RBFOX1: variants seen among roughly 807,000 people sequenced by gnomAD.
The protein encoded by RBFOX1 is RNA binding fox-1 homolog 1.
RBFOX1 carries 8 observed loss-of-function variants against 57.7 expected under a neutral mutation model. The observed-to-expected ratio is 0.14, with a 90% CI of 0.08 to 0.25. The LOEUF is 0.25. RBFOX1 is among the 10% of genes least tolerant of loss of function. The probability of loss-of-function intolerance (pLI) is 1.00; values close to 1 mark genes in which losing one functional copy is unlikely to be tolerated. For missense variants in RBFOX1, 611 were observed against 548.5 expected, an observed-to-expected ratio of 1.11 and a Z score of -1.14; for synonymous variants, 326 against 222.4, an observed-to-expected ratio of 1.47 and a Z score of -4.15.
chr16:7,410,535 G>C (rs926130476), intron 4 of RBFOX1, among the ~76,000 whole-genome samples: 4 of 152,144 alleles, frequency 2.6e-5, no homozygotes, highest in Non-Finnish European at 4.4e-5. Flanking sequence ...TACAAAATTA[G>C]CTGGGAGTGG....
chr16:7,552,336 G>C (rs2086812552), intron 5 of RBFOX1, among the ~76,000 whole-genome samples: 1 of 152,094 alleles, frequency 6.6e-6, no homozygotes, highest in South Asian at 2.1e-4. Context: ...TTCTTTTATA[G>C]TGAGAGGCGA....
intron 2 of RBFOX1, among the ~76,000 whole-genome samples, chr16:6,648,940 C>T (rs890522781): frequency 6.6e-6 from 1 of 152,182 alleles, no homozygotes; most frequent in African/African-American, 2.4e-5. Context: ...TACATTACCT[C>T]ACAACGTCAT....
chr16:6,720,544 C>T lies in RBFOX1; in HGVS notation c.-16+65894C>T, dbSNP rs1022184696. ...AGGGTGTTACAGGCAGCAGGAACAG[C>T]AAAGGCAGAGGCCCTGAGCTGGAAG... On this transcript the variant is annotated intron_variant, in intron 3 of 15. Coordinates refer to ENST00000550418, the MANE Select transcript of RBFOX1 (RefSeq NM_018723.4). Among the ~76,000 whole-genome samples, 2 of 152,178 alleles carry T rather than the reference C, an allele frequency of 1.3e-5. 1 individual carries two copies. Among genetic ancestry groups the T allele is most frequent in the South Asian group, 4.1e-4 (2 of 4,822 alleles).
At chr16:5,823,066 C>T (rs1414310629) in intron 3 of RBFOX1, among the ~76,000 whole-genome samples, 3 of 152,194 alleles carry the variant, frequency 2.0e-5, no homozygotes, top group Non-Finnish European at 4.4e-5. Flanking sequence ...TTGGGAGCCA[C>T]TGCTGTACCC....
At chr16:5,599,206 C>G in exon 3 of RBFOX1, 1 of 701,058 alleles carries the variant, frequency 1.4e-6, no homozygotes, top group African/African-American at 1.7e-5. Flanking sequence ...CTAAAAAAGA[C>G]CAGGCCCACT....
intron 3 of RBFOX1, among the ~76,000 whole-genome samples, chr16:5,839,359 ACT>A (rs1349427813): frequency 1.3e-5 from 2 of 152,110 alleles, no homozygotes; most frequent in African/African-American, 2.4e-5. Flanking sequence ...TTTGGGACCC[ACT>A]TTTTGCCAAA....
intron 3 of RBFOX1, among the ~76,000 whole-genome samples, chr16:5,819,831 C>T (rs142199166): frequency 6.6e-6 from 1 of 152,148 alleles, no homozygotes; most frequent in Non-Finnish European, 1.5e-5. Context: ...CCCTGGAGCC[C>T]CAGAAATGAT....
At chr16:6,649,507 C>T (rs2154081878) in intron 2 of RBFOX1, among the ~76,000 whole-genome samples, 1 of 152,274 alleles carries the variant, frequency 6.6e-6, no homozygotes, top group African/African-American at 2.4e-5. Context: ...TCTTTTATCC[C>T]TCACCACTCC....
chr16:6,885,854 G>C (rs1350555038), intron 3 of RBFOX1, among the ~76,000 whole-genome samples: 1 of 152,054 alleles, frequency 6.6e-6, no homozygotes, highest in East Asian at 1.9e-4. Context: ...TTTTATTTTA[G>C]AGAAATTCTA....
chr16:6,077,895 C>T (rs1164018691), intron 1 of RBFOX1, among the ~76,000 whole-genome samples: 2 of 151,960 alleles, frequency 1.3e-5, no homozygotes, highest in African/African-American at 4.8e-5. Flanking sequence ...TAGGAACATC[C>T]AAGGAGTAGA....
chr16:6,184,691 C>G (rs1301583630), intron 1 of RBFOX1, among the ~76,000 whole-genome samples: 1 of 151,736 alleles, frequency 6.6e-6, no homozygotes, highest in Non-Finnish European at 1.5e-5. Flanking sequence ...TCTCGAGTAG[C>G]TGGGATTACA....
chr16:5,620,344 C>A (rs1596481094), intron 3 of RBFOX1, among the ~76,000 whole-genome samples: 1 of 152,284 alleles, frequency 6.6e-6, no homozygotes, highest in African/African-American at 2.4e-5. Context: ...AGAGACATCA[C>A]ATTGTTGCCT....
chr16:7,107,044 G>C (rs972289350), intron 4 of RBFOX1, among the ~76,000 whole-genome samples: 6 of 151,550 alleles, frequency 4.0e-5, no homozygotes, highest in African/African-American at 1.2e-4. Context: ...CCTGTGGTAA[G>C]TGCTATGATG....
chr16:6,806,924 C>G (rs1415448294), intron 3 of RBFOX1, among the ~76,000 whole-genome samples: 1 of 149,198 alleles, frequency 6.7e-6, no homozygotes, highest in Non-Finnish European at 1.5e-5. Flanking sequence ...AACTCCACCT[C>G]CTGGGTTCAA....
intron 1 of RBFOX1, among the ~76,000 whole-genome samples, chr16:6,182,713 C>T (rs1265243963): frequency 6.6e-6 from 1 of 152,058 alleles, no homozygotes; most frequent in Non-Finnish European, 1.5e-5. Context: ...ATTCTGACCA[C>T]CTGTGGACAT....
chr16:6,239,991 C>T (rs985518919), intron 1 of RBFOX1, among the ~76,000 whole-genome samples: 11 of 152,000 alleles, frequency 7.2e-5, no homozygotes, highest in African/African-American at 1.7e-4. Flanking sequence ...GGAGGTGTTT[C>T]GGTCATCGGA....
chr16:5,853,101 C>G (rs1288386440), intron 3 of RBFOX1, among the ~76,000 whole-genome samples: 2 of 152,008 alleles, frequency 1.3e-5, no homozygotes, highest in African/African-American at 4.8e-5. Flanking sequence ...TTGGAGTCAT[C>G]TCTTGTGTAG....
intron 4 of RBFOX1, among the ~76,000 whole-genome samples, chr16:7,412,668 C>G (rs1464830144): frequency 1.3e-5 from 2 of 152,188 alleles, no homozygotes; most frequent in Non-Finnish European, 2.9e-5. Context: ...GTTAGACTCC[C>G]AAAGGCTTTT....
chr16:5,383,775 A>C (rs2066190029), intron 1 of RBFOX1, among the ~76,000 whole-genome samples: 1 of 152,200 alleles, frequency 6.6e-6, no homozygotes, highest in Non-Finnish European at 1.5e-5. Flanking sequence ...AGATTGTACT[A>C]GTCTGGGCTC....
Sources: allele counts gnomAD v4.1 joint callset (sites outside exome capture counted in the v4.1 genomes callset), GRCh38; gene constraint gnomAD v4.1.1; transcripts MANE v1.5; gene names NCBI Gene and HGNC (gene_info 2026-07-23, HGNC 2026-07-21).